The following PCDH9 variants were observed in gnomAD, a reference collection of about 807,000 sequenced individuals.
The protein encoded by PCDH9 is protocadherin 9.
In PCDH9, 24 loss-of-function variants were observed where a neutral mutation model predicts 70.6. The observed-to-expected ratio is 0.34, with a 90% CI of 0.25 to 0.48. The LOEUF (loss-of-function observed/expected upper bound fraction) is 0.48. Ranked by LOEUF, PCDH9 falls within the 20% of genes least tolerant of loss-of-function variation. The pLI, the probability that PCDH9 is intolerant of heterozygous loss-of-function variation, is 0.99. For synonymous variants in PCDH9, 562 were observed against 558.5 expected, an observed-to-expected ratio of 1.01 and a Z score of -0.09; for missense variants, 1,281 against 1,503.6, an observed-to-expected ratio of 0.85 and a Z score of 2.45.
At chr13:66,848,969 T>C (rs961065846) in intron 3 of PCDH9, among the ~76,000 whole-genome samples, 2 of 149,594 alleles carry the variant, frequency 1.3e-5, no homozygotes, top group Admixed American at 6.7e-5. Flanking sequence ...AGCCAAAATA[T>C]GTTTTCATTG....
chr13:66,645,562 T>TA (rs1265181839), intron 3 of PCDH9, among the ~76,000 whole-genome samples: 2 of 151,958 alleles, frequency 1.3e-5, no homozygotes, highest in African/African-American at 2.4e-5. Context: ...AACTAAAACA[T>TA]AAAAAGAATT....
rs558601595 is a variant in PCDH9, at chr13:66,393,114, T to C, written c.3341-88086A>G. Among the ~76,000 whole-genome samples, 22 of 152,320 alleles carry C rather than the reference T, an allele frequency of 1.4e-4. 1 individual carries two copies. In the South Asian group the frequency reaches 4.6e-3, roughly 32 times the overall value. ...TTGGAAGGTCTAGACTTCACTGTTC[T>C]AAGTGTAAGTTTCATTCTAGTCTTA... On this transcript the variant is annotated intron_variant, in intron 4 of 4. Transcript: ENST00000377865.
chr13:67,134,015 A>G (rs2138338069), intron 2 of PCDH9, among the ~76,000 whole-genome samples: 1 of 152,238 alleles, frequency 6.6e-6, no homozygotes, highest in African/African-American at 2.4e-5. Flanking sequence ...TCCACTCAAA[A>G]TCAATAGCAT....
At chr13:66,906,676 C>T (rs976525789) in intron 2 of PCDH9, among the ~76,000 whole-genome samples, 2 of 152,086 alleles carry the variant, frequency 1.3e-5, no homozygotes, top group African/African-American at 4.8e-5. Flanking sequence ...CTGTTCTTTC[C>T]TTACTTTTTA....
intron 2 of PCDH9, among the ~76,000 whole-genome samples, chr13:66,959,479 T>G (rs1259989666): frequency 6.6e-6 from 1 of 152,126 alleles, no homozygotes; most frequent in Non-Finnish European, 1.5e-5. Context: ...TGGGCCTGAT[T>G]CAGTGGCTCA....
intron 2 of PCDH9, among the ~76,000 whole-genome samples, chr13:67,036,207 G>T (rs2085005971): frequency 6.6e-6 from 1 of 152,058 alleles, no homozygotes; most frequent in Non-Finnish European, 1.5e-5. Flanking sequence ...AGATTTTTTT[G>T]TTGGAGGAAA....
intron 4 of PCDH9, among the ~76,000 whole-genome samples, chr13:66,442,199 A>G (rs1593985960): frequency 6.6e-6 from 1 of 152,188 alleles, no homozygotes; most frequent in Non-Finnish European, 1.5e-5. Context: ...TCTCTGGTGA[A>G]CAACTTACAA....
chr13:66,387,543 TAAA>T (rs35239094), intron 4 of PCDH9, among the ~76,000 whole-genome samples: 11 of 115,424 alleles, frequency 9.5e-5, no homozygotes, highest in Non-Finnish European at 1.1e-4. Flanking sequence ...GATCTGGTGG[TAAA>T]AAAAAAAAAA....
At chr13:66,636,407 G>C (rs767636910) in intron 3 of PCDH9, among the ~76,000 whole-genome samples, 15 of 151,968 alleles carry the variant, frequency 9.9e-5, no homozygotes, top group Non-Finnish European at 1.9e-4. Context: ...TCTTTACGTA[G>C]TTTTTTAATC....
chr13:66,913,956 C>T (rs990488391), intron 2 of PCDH9, among the ~76,000 whole-genome samples: 2 of 151,820 alleles, frequency 1.3e-5, no homozygotes, highest in Admixed American at 1.3e-4. Flanking sequence ...TTGACTCTAC[C>T]TCCACTTTCT....
chr13:66,365,429 T>C (rs562110001), intron 4 of PCDH9, among the ~76,000 whole-genome samples: 1 of 152,214 alleles, frequency 6.6e-6, no homozygotes, highest in East Asian at 1.9e-4. Context: ...CTCCCTCAAA[T>C]CAGGAAAAGC....
At chr13:67,019,031 C>T (rs939296223) in intron 2 of PCDH9, among the ~76,000 whole-genome samples, 1 of 152,016 alleles carries the variant, frequency 6.6e-6, no homozygotes, top group Non-Finnish European at 1.5e-5. Context: ...TTGAACAGCA[C>T]TTTGATTCAT....
At chr13:66,407,229 A>G (rs1957294964) in intron 4 of PCDH9, among the ~76,000 whole-genome samples, 1 of 152,238 alleles carries the variant, frequency 6.6e-6, no homozygotes, top group Non-Finnish European at 1.5e-5. Context: ...GCAGCAATAA[A>G]TATGCTCAAG....
intron 4 of PCDH9, among the ~76,000 whole-genome samples, chr13:66,471,034 G>A (rs1350792112): frequency 6.6e-6 from 1 of 151,616 alleles, no homozygotes. Flanking sequence ...TTAGAATCAA[G>A]TACAGTACTT....
In PCDH9 at chr13:66,779,873, A is replaced by ATG. The variant is rs35090227; in HGVS notation, c.3138+123629_3138+123630dup. Among the ~76,000 whole-genome samples the ATG allele has an allele frequency of 3.4e-3, 398 of 115,824 alleles. 5 individuals are homozygous for ATG. Among genetic ancestry groups the ATG allele is most frequent in the Admixed American group, 6.8e-3 (70 of 10,254 alleles). 76.0% of individuals were successfully genotyped at this position (115,824 alleles called of 152,430 possible). On this transcript the variant is annotated intron_variant, in intron 3 of 4. Transcript: ENST00000377865. ...TCTATATATATATATATATACATAT[A>ATG]TGTGTGTGTGTGTGTGTGTGTGTGT...
At chr13:66,752,222 A>C (rs2079471257) in intron 3 of PCDH9, among the ~76,000 whole-genome samples, 1 of 152,244 alleles carries the variant, frequency 6.6e-6, no homozygotes, top group Admixed American at 6.5e-5. Context: ...AAGTTGGAAG[A>C]ATTAAGCAGT....
chr13:66,946,615 T>C (rs1011028419), intron 2 of PCDH9, among the ~76,000 whole-genome samples: 1 of 152,126 alleles, frequency 6.6e-6, no homozygotes, highest in African/African-American at 2.4e-5. Flanking sequence ...GCCATTAATA[T>C]GTAATACTAA....
At chr13:66,517,283 T>C (rs1204409498) in intron 4 of PCDH9, among the ~76,000 whole-genome samples, 1 of 152,160 alleles carries the variant, frequency 6.6e-6, no homozygotes, top group African/African-American at 2.4e-5. Context: ...CTGACCGATT[T>C]ATTAAATCAT....
At chr13:66,917,653 G>A (rs1037414248) in intron 2 of PCDH9, among the ~76,000 whole-genome samples, 15 of 151,402 alleles carry the variant, frequency 9.9e-5, no homozygotes, top group African/African-American at 3.4e-4. Flanking sequence ...TAGAACATAC[G>A]CAAGACAGAA....
Sources: allele counts gnomAD v4.1 joint callset (sites outside exome capture counted in the v4.1 genomes callset), GRCh38; gene constraint gnomAD v4.1.1; transcripts MANE v1.5; gene names NCBI Gene and HGNC (gene_info 2026-07-23, HGNC 2026-07-21).